The following LRP1B variants were observed in gnomAD, a reference collection of about 807,000 sequenced individuals.
The protein encoded by LRP1B is low-density lipoprotein receptor-related protein 1B.
Under a neutral mutation model 556.6 loss-of-function variants are expected in LRP1B, and 217 were observed. That is an observed-to-expected ratio of 0.39 (90% CI 0.35 to 0.44). The LOEUF (loss-of-function observed/expected upper bound fraction) is 0.44. Among genes scored for constraint, LRP1B ranks in the 20% least tolerant of loss-of-function variants. The pLI is 1.00. For missense variants in LRP1B, 5,053 were observed against 5,620.8 expected, an observed-to-expected ratio of 0.90 and a Z score of 3.23; for synonymous variants, 2,047 against 1,865.8, an observed-to-expected ratio of 1.10 and a Z score of -2.50.
intron 2 of LRP1B, among the ~76,000 whole-genome samples, chr2:141,533,829 C>G (rs867854837): frequency 6.6e-6 from 1 of 152,100 alleles, no homozygotes; most frequent in Non-Finnish European, 1.5e-5. Context: ...TAATGGCATC[C>G]CTATCTTCAC....
intron 84 of LRP1B, among the ~76,000 whole-genome samples, chr2:140,281,642 A>G (rs1478590359): frequency 6.6e-6 from 1 of 151,866 alleles, no homozygotes; most frequent in Non-Finnish European, 1.5e-5. Context: ...TTTTATATTC[A>G]TCATTTAAGT....
intron 1 of LRP1B, among the ~76,000 whole-genome samples, chr2:142,119,721 T>G (rs1707388005): frequency 1.3e-5 from 2 of 152,140 alleles, no homozygotes; most frequent in African/African-American, 4.8e-5. Flanking sequence ...CCATCATTTT[T>G]ATAGTACTTT....
intron 22 of LRP1B, among the ~76,000 whole-genome samples, chr2:140,903,421 A>G (rs1223424374): frequency 6.6e-6 from 1 of 152,096 alleles, no homozygotes; most frequent in Non-Finnish European, 1.5e-5. Flanking sequence ...TTGGGAGTAT[A>G]GTTTGCTTTG....
chr2:142,056,953 T>C (rs1399141471), intron 1 of LRP1B, among the ~76,000 whole-genome samples: 1 of 152,172 alleles, frequency 6.6e-6, no homozygotes, highest in African/African-American at 2.4e-5. Context: ...ACATGCTAAA[T>C]GTATTCTCAA....
intron 2 of LRP1B, among the ~76,000 whole-genome samples, chr2:141,763,385 T>C (rs939793326): frequency 6.6e-6 from 1 of 152,106 alleles, no homozygotes; most frequent in Non-Finnish European, 1.5e-5. Flanking sequence ...AAAATAAAAA[T>C]ATATATTTTT....
intron 10 of LRP1B, among the ~76,000 whole-genome samples, chr2:141,050,423 T>C (rs1371599438): frequency 6.6e-6 from 1 of 152,036 alleles, no homozygotes; most frequent in Non-Finnish European, 1.5e-5. Context: ...GGTGGTTTGC[T>C]GCACCTATCA....
intron 43 of LRP1B, among the ~76,000 whole-genome samples, chr2:140,572,151 T>C (rs1282908779): frequency 6.6e-6 from 1 of 151,696 alleles, no homozygotes; most frequent in Non-Finnish European, 1.5e-5. Context: ...ATTGGGATTA[T>C]ATGAATCTAA....
At chr2:140,266,095 T>C (rs1403470772) in intron 86 of LRP1B, among the ~76,000 whole-genome samples, 1 of 152,002 alleles carries the variant, frequency 6.6e-6, no homozygotes, top group Non-Finnish European at 1.5e-5. Context: ...AATACATTAG[T>C]CTTTCTTGTC....
intron 23 of LRP1B, among the ~76,000 whole-genome samples, chr2:140,887,652 A>G (rs1416339895): frequency 6.6e-6 from 1 of 152,202 alleles, no homozygotes; most frequent in Non-Finnish European, 1.5e-5. Flanking sequence ...AAAAATGGAT[A>G]TAATTCATAT....
rs897095145 is a variant in LRP1B, at chr2:140,608,264, A to G, written c.6800-6625T>C. Among the ~76,000 whole-genome samples the G allele has an allele frequency of 1.1e-3, 171 of 152,178 alleles. 3 individuals are homozygous for G. The highest frequency in any genetic ancestry group is 4.3e-4 in the Non-Finnish European group (29 of 68,030). ...TAGTTGTATATATACAAAAATAACC[A>G]GTGAGAATATATAATGGAAAGAGGA... is the stretch of plus-strand genomic sequence containing the variant. On this transcript the variant is annotated intron_variant, in intron 41 of 90. Coordinates refer to ENST00000389484, the MANE Select transcript of LRP1B (RefSeq NM_018557.3).
intron 2 of LRP1B, among the ~76,000 whole-genome samples, chr2:141,587,051 A>G (rs1371235344): frequency 1.9e-4 from 28 of 143,806 alleles, no homozygotes; most frequent in Admixed American, 1.9e-3. Context: ...GCACGTAAAC[A>G]AACTGACTCT....
intron 2 of LRP1B, among the ~76,000 whole-genome samples, chr2:141,643,965 G>T (rs925498609): frequency 1.2e-4 from 18 of 151,400 alleles, no homozygotes; most frequent in African/African-American, 4.4e-4. Context: ...AAAAACTCAT[G>T]GCACATGATA....
chr2:141,406,263 G>T (rs531175049), intron 3 of LRP1B, among the ~76,000 whole-genome samples: 6 of 152,106 alleles, frequency 3.9e-5, no homozygotes, highest in Admixed American at 1.3e-4. Flanking sequence ...TAATTTGGCA[G>T]TATGTGAATA....
chr2:141,984,684 C>G (rs574486706), intron 1 of LRP1B, among the ~76,000 whole-genome samples: 1 of 152,004 alleles, frequency 6.6e-6, no homozygotes, highest in African/African-American at 2.4e-5. Context: ...TATAAAAATA[C>G]AAGTCTTAAA....
At chr2:141,655,004 G>A (rs893282090) in intron 2 of LRP1B, among the ~76,000 whole-genome samples, 9 of 152,132 alleles carry the variant, frequency 5.9e-5, no homozygotes, top group African/African-American at 2.2e-4. Context: ...CAGTACAGAA[G>A]CTAGATTGGA....
chr2:141,847,943 A>G (rs1334079781), intron 1 of LRP1B, among the ~76,000 whole-genome samples: 1 of 151,580 alleles, frequency 6.6e-6, no homozygotes, highest in African/African-American at 2.4e-5. Flanking sequence ...TAAATCTAAC[A>G]GAGGGCTGAT....
chr2:141,102,196 T>C (rs1379497958), intron 7 of LRP1B, among the ~76,000 whole-genome samples: 2 of 152,116 alleles, frequency 1.3e-5, no homozygotes, highest in Non-Finnish European at 1.5e-5. Context: ...TAGTAGAACC[T>C]TATGAATTAG....
intron 3 of LRP1B, among the ~76,000 whole-genome samples, chr2:141,463,439 A>G (rs1681994874): frequency 6.7e-6 from 1 of 150,218 alleles, no homozygotes; most frequent in Admixed American, 6.7e-5. Context: ...TGTACCAAAT[A>G]ACCTTTGGGA....
At chr2:141,684,139 A>G (rs556880399) in intron 2 of LRP1B, among the ~76,000 whole-genome samples, 7 of 152,132 alleles carry the variant, frequency 4.6e-5, no homozygotes, top group Non-Finnish European at 7.4e-5. Context: ...TTCTACTATA[A>G]AGACACATGC....
Sources: allele counts gnomAD v4.1 joint callset (sites outside exome capture counted in the v4.1 genomes callset), GRCh38; gene constraint gnomAD v4.1.1; transcripts MANE v1.5; gene names NCBI Gene and HGNC (gene_info 2026-07-23, HGNC 2026-07-21).